Variants in HIPK3 observed in about 807,000 individuals in gnomAD.
The protein encoded by HIPK3 is homeodomain-interacting protein kinase 3.
A neutral mutation model predicts 124.2 loss-of-function variants in HIPK3; 47 were observed. That is an observed-to-expected ratio of 0.38 (90% CI 0.30 to 0.48). The LOEUF (loss-of-function observed/expected upper bound fraction) is 0.48. Ranked by LOEUF, HIPK3 falls within the 20% of genes least tolerant of loss-of-function variation. The pLI is 0.98. For synonymous variants in HIPK3, 482 were observed against 515.2 expected (o/e 0.94, Z 0.87); for missense variants, 1,286 against 1,454.3 (o/e 0.88, Z 1.88).
intron 2 of HIPK3, among the ~76,000 whole-genome samples, chr11:33,305,094 G>A (rs1010868256): frequency 3.3e-5 from 5 of 152,150 alleles, no homozygotes; most frequent in African/African-American, 9.6e-5. Context: ...TCTGCCCGCC[G>A]AGTTCAGATG....
chr11:33,267,393 G>A (rs150723087), intron 1 of HIPK3, among the ~76,000 whole-genome samples: 42 of 151,328 alleles, frequency 2.8e-4, no homozygotes, highest in African/African-American at 9.2e-4. Flanking sequence ...GATTACAGGC[G>A]TGAGCCACTG....
rs75750261 is a variant in HIPK3 at position 33,310,725 on chromosome 11, T to C, written c.1098-17785T>C. On this transcript the variant is annotated intron_variant, in intron 2 of 16. Transcript: ENST00000303296. ...GTGCAGATAGAGATAGTACAAATAG[T>C]ACAGATAGGAACATTTCCGTTGTTG... Among the ~76,000 whole-genome samples, 1,392 of 152,324 alleles carry C rather than the reference T, an allele frequency of 9.1e-3. 15 individuals are homozygous for C. The highest frequency in any genetic ancestry group is 0.013 in the Non-Finnish European group (910 of 68,014).
chr11:33,278,163 A>G (rs1489581304), intron 1 of HIPK3, among the ~76,000 whole-genome samples: 3 of 152,216 alleles, frequency 2.0e-5, no homozygotes, highest in African/African-American at 7.2e-5. Context: ...TAATTTGTTA[A>G]AAATATAACT....
intron 1 of HIPK3, 83 bp downstream of exon 1, chr11:33,257,972 AAGCCTGACCCG>A: frequency 1.0e-6 from 1 of 973,344 alleles, no homozygotes; most frequent in Middle Eastern, 5.3e-4. Flanking sequence ...AGCGGACCCC[AAGCCTGACCCG>A]GGCCTGGCCC....
At chr11:33,308,641 TGA>T (rs1554965209) in intron 2 of HIPK3, among the ~76,000 whole-genome samples, 2 of 151,614 alleles carry the variant, frequency 1.3e-5, no homozygotes, top group African/African-American at 4.8e-5. Flanking sequence ...TGTGTGTGTG[TGA>T]GATTCTGCTT....
chr11:33,337,460 A>T lies in HIPK3; in HGVS notation c.1341+266A>T, dbSNP rs566584779. ...AACCTCCGCCTCCTGGGTTCAACCA[A>T]TTCGCCTGCCTCAGCCTCCCAAGTA... On this transcript the variant is annotated intron_variant, in intron 4 of 16. Coordinates refer to ENST00000303296, the MANE Select transcript of HIPK3 (RefSeq NM_005734.5). Among the ~76,000 whole-genome samples, 4 of 151,268 alleles carry T rather than the reference A, an allele frequency of 2.6e-5. No homozygotes were observed. The South Asian group carries it at 8.4e-4, about 32-fold the overall frequency.
chr11:33,305,141 C>T (rs912112491), intron 2 of HIPK3, among the ~76,000 whole-genome samples: 3 of 152,176 alleles, frequency 2.0e-5, no homozygotes, highest in South Asian at 2.1e-4. Flanking sequence ...GCTGGGATTA[C>T]AGGCTTGCGC....
chr11:33,258,465 G>C, intron 1 of HIPK3: 2 of 985,340 alleles, frequency 2.0e-6, no homozygotes, highest in Non-Finnish European at 1.2e-6. Context: ...CTGGGGACGT[G>C]CGTGCGTGTG....
Position 33,257,790 on chromosome 11 carries a change from A to G in HIPK3, c.-102A>G. ...CGGGCTGGGTGGTGCCGCCTGCTGAAGCGCCTGGCTCCCGGTCCCCGGCAC... is the reference window on the plus strand; with the variant it reads ...CGGGCTGGGTGGTGCCGCCTGCTGAGGCGCCTGGCTCCCGGTCCCCGGCAC... On this transcript the variant is annotated 5_prime_UTR_variant, in exon 1 of 17. Coordinates refer to ENST00000303296, the MANE Select transcript of HIPK3 (RefSeq NM_005734.5). The G allele has an allele frequency of 1.3e-5, 13 of 986,784 alleles. No individual in the cohort carries two copies. Among genetic ancestry groups the G allele is most frequent in the Non-Finnish European group, 1.6e-5 (13 of 831,050 alleles). 61.1% of individuals were successfully genotyped at this position (986,784 alleles called of 1,614,324 possible).
chr11:33,317,794 A>G (rs1280394094), intron 2 of HIPK3, among the ~76,000 whole-genome samples: 1 of 152,150 alleles, frequency 6.6e-6, no homozygotes, highest in Admixed American at 6.5e-5. Context: ...ATAGGGGTTT[A>G]ACTTGTAAGA....
At chr11:33,346,537 C>A (rs541844551) in intron 8 of HIPK3, among the ~76,000 whole-genome samples, 1 of 152,132 alleles carries the variant, frequency 6.6e-6, no homozygotes, top group Non-Finnish European at 1.5e-5. Flanking sequence ...GCATAAGATT[C>A]TATCACAGTT....
chr11:33,264,333 G>T (rs1850901554), intron 1 of HIPK3, among the ~76,000 whole-genome samples: 1 of 152,096 alleles, frequency 6.6e-6, no homozygotes, highest in Non-Finnish European at 1.5e-5. Context: ...TGGTGAGATA[G>T]AATTTCTTTT....
At chr11:33,340,235 C>T (rs1375559619) in intron 6 of HIPK3, among the ~76,000 whole-genome samples, 1 of 152,184 alleles carries the variant, frequency 6.6e-6, no homozygotes, top group Non-Finnish European at 1.5e-5. Context: ...AGGCATACGC[C>T]ACCATGCCTG....
At chr11:33,346,475 T>A (rs545770217) in intron 8 of HIPK3, among the ~76,000 whole-genome samples, 2 of 152,200 alleles carry the variant, frequency 1.3e-5, no homozygotes, top group African/African-American at 4.8e-5. Context: ...ATGTGAACCA[T>A]TATGTCCATT....
chr11:33,297,221 G>A (rs1851865572), intron 2 of HIPK3, among the ~76,000 whole-genome samples: 1 of 151,762 alleles, frequency 6.6e-6, no homozygotes, highest in African/African-American at 2.4e-5. Context: ...AGCCTCCCGA[G>A]TAGCTGGGAT....
intron 2 of HIPK3, among the ~76,000 whole-genome samples, chr11:33,312,716 G>T (rs1852388409): frequency 6.6e-6 from 1 of 152,112 alleles, no homozygotes; most frequent in African/African-American, 2.4e-5. Flanking sequence ...TTAAGTTTTT[G>T]TCTTGCCACT....
rs981791844 is a variant in HIPK3 at position 33,355,367 on chromosome 11, T to C, written c.*1799T>C. On this transcript the variant is annotated 3_prime_UTR_variant, in exon 17 of 17. Coordinates refer to ENST00000303296, the MANE Select transcript of HIPK3 (RefSeq NM_005734.5). ...TGCATATTAAAAAAACTTGGATGTA[T>C]CAGTGTAACTTAATTTTTTATTTTC... 2 of 152,086 alleles carry C rather than the reference T, an allele frequency of 1.3e-5. No individual in the cohort carries two copies. The highest frequency in any genetic ancestry group is 4.8e-5 in the African/African-American group (2 of 41,448). The allele number at this position is 152,086 out of a possible 1,614,324, so 9.4% of individuals were successfully genotyped here. A position where few individuals can be genotyped will look rare whatever the true frequency, so the allele number is the denominator to read the frequency against.
chr11:33,315,123 G>C (rs1590392665), intron 2 of HIPK3, among the ~76,000 whole-genome samples: 1 of 152,140 alleles, frequency 6.6e-6, no homozygotes, highest in Non-Finnish European at 1.5e-5. Context: ...TTACTGACAT[G>C]TTTTGTCTTT....
chr11:33,302,096 A>G (rs909735597), intron 2 of HIPK3, among the ~76,000 whole-genome samples: 20 of 152,130 alleles, frequency 1.3e-4, no homozygotes, highest in Non-Finnish European at 2.4e-4. Flanking sequence ...ATCAATCTAG[A>G]TATCTAAAGT....
Sources: gnomAD v4.1 joint callset for allele counts (sites outside exome capture counted in the v4.1 genomes callset) on GRCh38, gnomAD v4.1.1 for gene constraint, MANE v1.5 for transcripts, NCBI Gene and HGNC (gene_info 2026-07-23, HGNC 2026-07-21) for gene names.